MSRA: variants seen among roughly 807,000 people sequenced by gnomAD.
MSRA encodes mitochondrial peptide methionine sulfoxide reductase.
MSRA carries 54 observed loss-of-function variants against 31.3 expected under a neutral mutation model. The observed-to-expected ratio is 1.73, with a 90% CI of 1.39 to 2.17. MSRA has a LOEUF of 2.17. Among genes scored for constraint, MSRA ranks in the 30% most tolerant of loss-of-function variants. The pLI is 0.00. For missense variants in MSRA, 507 were observed against 300.9 expected (o/e 1.69, Z -5.07); for synonymous variants, 169 against 116.5 (o/e 1.45, Z -2.90).
intron 1 of MSRA, among the ~76,000 whole-genome samples, chr8:10,195,188 G>T (rs558823743): frequency 6.6e-6 from 1 of 152,328 alleles, no homozygotes; most frequent in East Asian, 1.9e-4. Flanking sequence ...CAAAGCCTGT[G>T]CTATGGAAGC....
At chr8:10,401,158 T>C (rs1420518979) in intron 5 of MSRA, among the ~76,000 whole-genome samples, 1 of 150,976 alleles carries the variant, frequency 6.6e-6, no homozygotes, top group Non-Finnish European at 1.5e-5. Flanking sequence ...ATATATCTGA[T>C]AAGGGATTAA....
intron 5 of MSRA, among the ~76,000 whole-genome samples, chr8:10,361,261 C>T (rs1804828877): frequency 6.6e-6 from 1 of 152,200 alleles, no homozygotes; most frequent in Non-Finnish European, 1.5e-5. Flanking sequence ...TTTAGCCAAG[C>T]TCAGTGACTG....
chr8:10,420,884 C>T (rs1808771284), intron 5 of MSRA, among the ~76,000 whole-genome samples: 1 of 51,402 alleles, frequency 1.9e-5, no homozygotes, highest in Admixed American at 3.0e-4. Context: ...GTGTATTTTA[C>T]CACAACTTAA....
chr8:10,226,939 C>G (rs923313507), intron 2 of MSRA, among the ~76,000 whole-genome samples: 1 of 152,176 alleles, frequency 6.6e-6, no homozygotes, highest in Non-Finnish European at 1.5e-5. Flanking sequence ...CTAGCAACCA[C>G]TTGCCTTCCA....
intron 1 of MSRA, among the ~76,000 whole-genome samples, chr8:10,060,114 T>C (rs1177153772): frequency 6.6e-6 from 1 of 152,214 alleles, no homozygotes; most frequent in Non-Finnish European, 1.5e-5. Flanking sequence ...TATGGGAATT[T>C]ATCGTCTGGA....
At chr8:10,059,561 A>G (rs1422170273) in intron 1 of MSRA, among the ~76,000 whole-genome samples, 1 of 152,224 alleles carries the variant, frequency 6.6e-6, no homozygotes, top group Non-Finnish European at 1.5e-5. Context: ...GGGTGTGAGG[A>G]AAGCCATGAC....
chr8:10,319,812 ATTGTGCCCAGT>A, intron 4 of MSRA, 60 bp from the exon 5 acceptor site: 1 of 845,590 alleles, frequency 1.2e-6, no homozygotes, highest in Non-Finnish European at 1.7e-6. Context: ...ATGTCTCAGC[ATTGTGCCCAGT>A]TTGAGACTGG....
At chr8:10,063,150 C>A (rs542904054) in intron 1 of MSRA, among the ~76,000 whole-genome samples, 1 of 152,180 alleles carries the variant, frequency 6.6e-6, no homozygotes, top group South Asian at 2.1e-4. Flanking sequence ...CCCAACCTCT[C>A]TCAGTGGCAC....
At chr8:10,098,243 C>A (rs766678563) in intron 1 of MSRA, among the ~76,000 whole-genome samples, 2 of 152,080 alleles carry the variant, frequency 1.3e-5, no homozygotes, top group Non-Finnish European at 2.9e-5. Context: ...AACCCTATCT[C>A]ACCTCATAAT....
At chr8:10,151,283 A>T (rs900823263) in intron 1 of MSRA, among the ~76,000 whole-genome samples, 9 of 150,014 alleles carry the variant, frequency 6.0e-5, no homozygotes, top group Non-Finnish European at 8.9e-5. Flanking sequence ...AAAAAAAAAA[A>T]AAAAATAAGG....
intron 5 of MSRA, among the ~76,000 whole-genome samples, chr8:10,374,910 G>C (rs1180642480): frequency 1.3e-5 from 2 of 152,124 alleles, no homozygotes; most frequent in African/African-American, 4.8e-5. Flanking sequence ...GTTCATGCAA[G>C]AGCTGGTTGC....
chr8:10,308,043 G>A (rs956884752), intron 4 of MSRA, among the ~76,000 whole-genome samples: 5 of 152,172 alleles, frequency 3.3e-5, no homozygotes, highest in African/African-American at 1.2e-4. Context: ...CTGAAGTGGT[G>A]GACCATCACG....
At chr8:10,361,265 G>A (rs1804829149) in intron 5 of MSRA, among the ~76,000 whole-genome samples, 1 of 152,234 alleles carries the variant, frequency 6.6e-6, no homozygotes, top group Admixed American at 6.5e-5. Flanking sequence ...GCCAAGCTCA[G>A]TGACTGCCTT....
chr8:10,336,481 A>G (rs1019636508), intron 5 of MSRA, among the ~76,000 whole-genome samples: 16 of 151,878 alleles, frequency 1.1e-4, no homozygotes, highest in African/African-American at 3.9e-4. Context: ...TTCTTTACAA[A>G]GTCGTCATTG....
chr8:10,399,230 C>T (rs1432445414), intron 5 of MSRA, among the ~76,000 whole-genome samples: 2 of 152,174 alleles, frequency 1.3e-5, no homozygotes, highest in Non-Finnish European at 2.9e-5. Flanking sequence ...TCAGATCTGA[C>T]AATGTCTAGG....
At chr8:10,410,467 C>T (rs2129188369) in intron 5 of MSRA, among the ~76,000 whole-genome samples, 1 of 152,324 alleles carries the variant, frequency 6.6e-6, no homozygotes, top group East Asian at 1.9e-4. Context: ...AAATAACCAA[C>T]ACAGTTTAGA....
intron 3 of MSRA, among the ~76,000 whole-genome samples, chr8:10,283,280 T>G (rs34917779): frequency 0.21 from 31,599 of 151,956 alleles, 3,955 homozygotes; most frequent in Non-Finnish European, 0.29. Context: ...ATCCTGCATT[T>G]TGTCATATAA....
At chr8:10,183,220 T>C (rs976786830) in intron 1 of MSRA, among the ~76,000 whole-genome samples, 1 of 152,180 alleles carries the variant, frequency 6.6e-6, no homozygotes, top group Non-Finnish European at 1.5e-5. Context: ...CAGGAGAGTG[T>C]CATTTTAGGC....
At chr8:10,293,875 C>T (rs1447989254) in intron 3 of MSRA, among the ~76,000 whole-genome samples, 1 of 152,148 alleles carries the variant, frequency 6.6e-6, no homozygotes, top group Non-Finnish European at 1.5e-5. Context: ...CTGTGGCGCT[C>T]TAGACCAGTG....
Sources: allele counts gnomAD v4.1 joint callset (sites outside exome capture counted in the v4.1 genomes callset), GRCh38; gene constraint gnomAD v4.1.1; transcripts MANE v1.5; gene names NCBI Gene and HGNC (gene_info 2026-07-23, HGNC 2026-07-21).